Variants in CCBE1 observed in about 807,000 individuals in gnomAD.
The protein encoded by CCBE1 is collagen and calcium-binding EGF domain-containing protein 1.
A neutral mutation model predicts 50.0 loss-of-function variants in CCBE1; 37 were observed. The observed-to-expected ratio is 0.74, with a 90% CI of 0.57 to 0.97. The LOEUF is 0.97. Among genes scored for constraint, CCBE1 ranks in the 50% least tolerant of loss-of-function variants. CCBE1 has a pLI of 0.00. For synonymous variants in CCBE1, 234 were observed against 203.7 expected (o/e 1.15, Z -1.27); for missense variants, 538 against 523.8 (o/e 1.03, Z -0.26).
In CCBE1 at chr18:59,626,465, G is replaced by T. The variant is rs139224828; in HGVS notation, c.212+70164C>A. 7.9e-5 allele frequency among the ~76,000 whole-genome samples: 12 copies of T among 152,310 alleles called. No homozygotes were observed. The East Asian group carries it at 2.3e-3, about 29-fold the overall frequency. ...GACAGGAGCAATGAACACTTATCAG[G>T]CTTATGTAGCCCTGGCACTGATTCC... On this transcript the variant is annotated intron_variant, in intron 2 of 10. Coordinates refer to ENST00000439986, the MANE Select transcript of CCBE1 (RefSeq NM_133459.4).
At chr18:59,456,620 A>G (rs1164081687) in intron 5 of CCBE1, among the ~76,000 whole-genome samples, 1 of 152,210 alleles carries the variant, frequency 6.6e-6, no homozygotes, top group African/African-American at 2.4e-5. Flanking sequence ...CTCAGACCAG[A>G]AACAAATTTC....
chr18:59,577,495 CAT>C (rs1220171464), intron 2 of CCBE1, among the ~76,000 whole-genome samples: 1 of 152,222 alleles, frequency 6.6e-6, no homozygotes, highest in African/African-American at 2.4e-5. Context: ...CTACCCCAGA[CAT>C]ATGAGATCAC....
chr18:59,508,711 C>CTTTTTTTTTTTTTTTTTTTTTTTTTTTTT lies in CCBE1; in HGVS notation c.213-28474_213-28473insAAAAAAAAAAAAAAAAAAAAAAAAAAAAA, dbSNP rs55881131. Among the ~76,000 whole-genome samples, 6 of 95,684 alleles carry CTTTTTTTTTTTTTTTTTTTTTTTTTTTTT rather than the reference C, an allele frequency of 6.3e-5. 2 individuals carry two copies. Among genetic ancestry groups the CTTTTTTTTTTTTTTTTTTTTTTTTTTTTT allele is most frequent in the African/African-American group, 2.3e-4 (5 of 22,052 alleles). The allele number at this position is 95,684 out of a possible 152,430, so 62.8% of individuals were successfully genotyped here. A position where few individuals can be genotyped will look rare whatever the true frequency, so the allele number is the denominator to read the frequency against. ...AGCACAGTACACACATAGAGTTACG[C>CTTTTTTTTTTTTTTTTTTTTTTTTTTTTT]TTTTTTTTTTTTTTTTTTTTTTGAG... On this transcript the variant is annotated intron_variant, in intron 2 of 10. Coordinates refer to ENST00000439986, the MANE Select transcript of CCBE1 (RefSeq NM_133459.4).
intron 2 of CCBE1, among the ~76,000 whole-genome samples, chr18:59,529,181 C>CT (rs1914949723): frequency 6.6e-6 from 1 of 151,952 alleles, no homozygotes; most frequent in Non-Finnish European, 1.5e-5. Flanking sequence ...CTGAAATCCC[C>CT]ACAGGGAGGC....
At chr18:59,511,751 A>T (rs1914141888) in intron 2 of CCBE1, among the ~76,000 whole-genome samples, 1 of 152,178 alleles carries the variant, frequency 6.6e-6, no homozygotes, top group Non-Finnish European at 1.5e-5. Context: ...CTCTCTTCAT[A>T]AGAGATTGAT....
At chr18:59,636,512 A>G (rs1057311284) in intron 2 of CCBE1, among the ~76,000 whole-genome samples, 2 of 152,214 alleles carry the variant, frequency 1.3e-5, no homozygotes, top group African/African-American at 4.8e-5. Flanking sequence ...TTCACACATA[A>G]AGATCCAAGG....
chr18:59,512,150 G>A (rs1220857681), intron 2 of CCBE1, among the ~76,000 whole-genome samples: 2 of 152,208 alleles, frequency 1.3e-5, no homozygotes, highest in African/African-American at 2.4e-5. Context: ...GAAAGGTGTG[G>A]TCCCTTTAAA....
Position 59,435,737 on chromosome 18 carries a change from G to T in CCBE1, c.*171C>A. On this transcript the variant is annotated 3_prime_UTR_variant, in exon 11 of 11. Coordinates refer to ENST00000439986, the MANE Select transcript of CCBE1 (RefSeq NM_133459.4). The stretch of plus-strand genomic sequence containing the variant: ...CCTCATGTCTGCAGGCCTAGGAGGG[G>T]ACTCTGAAAATAGCATCGTATTTGG... 1.4e-6 allele frequency: 1 copy of T among 716,220 alleles called. No individual in the cohort carries two copies. 44.4% of individuals were successfully genotyped at this position (716,220 alleles called of 1,614,324 possible).
chr18:59,547,185 T>C (rs1915738588), intron 2 of CCBE1, among the ~76,000 whole-genome samples: 1 of 150,390 alleles, frequency 6.6e-6, no homozygotes, highest in South Asian at 2.1e-4. Flanking sequence ...AGAGGCACAA[T>C]GGCTCACGCC....
chr18:59,527,051 C>T (rs1012685456), intron 2 of CCBE1, among the ~76,000 whole-genome samples: 1 of 152,086 alleles, frequency 6.6e-6, no homozygotes, highest in Non-Finnish European at 1.5e-5. Context: ...GAGTTCAAGT[C>T]CAGAATCTTT....
chr18:59,694,830 C>T (rs1179217470), intron 2 of CCBE1, among the ~76,000 whole-genome samples: 1 of 152,214 alleles, frequency 6.6e-6, no homozygotes, highest in African/African-American at 2.4e-5. Flanking sequence ...AAGATCTTTT[C>T]ATATACACAA....
intron 2 of CCBE1, among the ~76,000 whole-genome samples, chr18:59,485,605 T>TATTTATTTA (rs1912780901): frequency 6.6e-6 from 1 of 150,396 alleles, no homozygotes; most frequent in African/African-American, 2.4e-5. Context: ...TTTATTTATT[T>TATTTATTTA]ATTTATTTAT....
At chr18:59,667,541 A>G (rs2054373225) in intron 2 of CCBE1, among the ~76,000 whole-genome samples, 1 of 152,112 alleles carries the variant, frequency 6.6e-6, no homozygotes, top group Non-Finnish European at 1.5e-5. Flanking sequence ...ATGAGATGTG[A>G]GGCTAAAGTC....
chr18:59,679,550 T>TCTC (rs1389296714), intron 2 of CCBE1, among the ~76,000 whole-genome samples: 2 of 152,192 alleles, frequency 1.3e-5, no homozygotes, highest in Non-Finnish European at 2.9e-5. Flanking sequence ...AGCATATGAC[T>TCTC]CTCCATTGGC....
intron 2 of CCBE1, among the ~76,000 whole-genome samples, chr18:59,543,852 A>AG (rs1568197055): frequency 1.3e-5 from 2 of 149,668 alleles, no homozygotes; most frequent in African/African-American, 5.0e-5. Context: ...AAAAAAAAAA[A>AG]AAAAAACAGA....
chr18:59,507,129 T>C (rs1360111693), intron 2 of CCBE1, among the ~76,000 whole-genome samples: 1 of 152,154 alleles, frequency 6.6e-6, no homozygotes, highest in Admixed American at 6.5e-5. Flanking sequence ...CTCACACTGT[T>C]CAAAGTCAAA....
intron 2 of CCBE1, among the ~76,000 whole-genome samples, chr18:59,650,376 C>CT (rs1568253779): frequency 6.6e-6 from 1 of 150,848 alleles, no homozygotes; most frequent in Non-Finnish European, 1.5e-5. Context: ...GAGTGACCCC[C>CT]TTCCTCCCTA....
At chr18:59,465,665 A>T (rs549694708) in intron 5 of CCBE1, 35 of 152,364 alleles carry the variant, frequency 2.3e-4, no homozygotes, top group African/African-American at 7.7e-4. Flanking sequence ...TGATATAAAA[A>T]TTTTTAAACA....
intron 2 of CCBE1, among the ~76,000 whole-genome samples, chr18:59,642,586 T>C (rs2054003558): frequency 6.6e-6 from 1 of 152,156 alleles, no homozygotes; most frequent in South Asian, 2.1e-4. Flanking sequence ...TCTATCAACA[T>C]AGACATCTGC....
Sources: allele counts gnomAD v4.1 joint callset (sites outside exome capture counted in the v4.1 genomes callset), GRCh38; gene constraint gnomAD v4.1.1; transcripts MANE v1.5; gene names NCBI Gene and HGNC (gene_info 2026-07-23, HGNC 2026-07-21).